Variants in RIMBP2 observed in about 807,000 individuals in gnomAD.
RIMBP2 encodes RIMS-binding protein 2.
A neutral mutation model predicts 118.6 loss-of-function variants in RIMBP2; 48 were observed. The observed-to-expected ratio is 0.40, with a 90% confidence interval of 0.32 to 0.51. RIMBP2 has a LOEUF of 0.51. RIMBP2 is among the 20% of genes least tolerant of loss of function. The pLI is 0.41. For missense variants in RIMBP2, 1,551 were observed against 1,768.3 expected, an observed-to-expected ratio of 0.88 and a Z score of 2.20; for synonymous variants, 762 against 742.9, an observed-to-expected ratio of 1.03 and a Z score of -0.42.
At chr12:130,481,604 G>A (rs558713408) in intron 4 of RIMBP2, among the ~76,000 whole-genome samples, 21 of 152,274 alleles carry the variant, frequency 1.4e-4, no homozygotes, top group African/African-American at 4.3e-4. Context: ...ACAAGAACCC[G>A]GGATCCGGAG....
intron 1 of RIMBP2, among the ~76,000 whole-genome samples, chr12:130,699,567 G>C (rs1229553101): frequency 7.6e-6 from 1 of 131,972 alleles, no homozygotes; most frequent in African/African-American, 2.8e-5. Flanking sequence ...ATCACACACC[G>C]GGGACTGTTG....
rs187956697 is a variant in RIMBP2 at position 130,628,727 on chromosome 12, T to C, written c.-351-271A>G. 8.5e-4 allele frequency among the ~76,000 whole-genome samples: 129 copies of C among 152,314 alleles called. 2 individuals carry two copies. In the Middle Eastern group the frequency reaches 0.024, roughly 28 times the overall value. ...CAACACAGCCATTGACATGAAGCTT[T>C]TGTGACTCCTTGAGTAGACCATCAA... On this transcript the variant is annotated intron_variant, in intron 1 of 22. Transcript: ENST00000690449.
intron 2 of RIMBP2, among the ~76,000 whole-genome samples, chr12:130,538,856 G>T (rs2054306244): frequency 6.6e-6 from 1 of 151,012 alleles, no homozygotes; most frequent in African/African-American, 2.5e-5. Flanking sequence ...GTATTGCCTG[G>T]GGATCGGGTG....
chr12:130,476,620 G>C (rs1388881041), intron 5 of RIMBP2, among the ~76,000 whole-genome samples: 1 of 152,160 alleles, frequency 6.6e-6, no homozygotes, highest in Non-Finnish European at 1.5e-5. Flanking sequence ...CCTAACCCTT[G>C]CACACTCCTG....
chr12:130,543,004 A>G (rs1261390373), intron 2 of RIMBP2, among the ~76,000 whole-genome samples: 1 of 152,160 alleles, frequency 6.6e-6, no homozygotes, highest in Non-Finnish European at 1.5e-5. Context: ...AATTTCTCCA[A>G]ATGAGGCTGA....
At chr12:130,503,268 T>C (rs2049975798) in intron 4 of RIMBP2, among the ~76,000 whole-genome samples, 1 of 151,662 alleles carries the variant, frequency 6.6e-6, no homozygotes, top group Non-Finnish European at 1.5e-5. Context: ...TGGTGGTGTG[T>C]GTCTGTAATC....
At chr12:130,675,247 C>T (rs895956313) in intron 1 of RIMBP2, among the ~76,000 whole-genome samples, 1 of 152,186 alleles carries the variant, frequency 6.6e-6, no homozygotes, top group African/African-American at 2.4e-5. Context: ...CCTTCGGGAA[C>T]GATGGGTGTC....
chr12:130,405,375 A>G (rs967578853), intron 21 of RIMBP2, among the ~76,000 whole-genome samples: 2 of 152,182 alleles, frequency 1.3e-5, no homozygotes, highest in East Asian at 1.9e-4. Flanking sequence ...AGAGAAACCT[A>G]CCGTCCAGGA....
chr12:130,580,434 G>A (rs535464393), intron 2 of RIMBP2, among the ~76,000 whole-genome samples: 1 of 152,188 alleles, frequency 6.6e-6, no homozygotes, highest in Non-Finnish European at 1.5e-5. Flanking sequence ...CGCCACGTAA[G>A]ATGTGTCTTC....
chr12:130,546,286 TGTTA>T (rs2055157190), intron 2 of RIMBP2, among the ~76,000 whole-genome samples: 2 of 151,782 alleles, frequency 1.3e-5, no homozygotes, highest in African/African-American at 4.8e-5. Context: ...TTGTGTTTTT[TGTTA>T]GTTAGTTAAT....
intron 9 of RIMBP2, 50 bp from the exon 10 acceptor site, chr12:130,445,319 C>T (rs745735126): frequency 1.1e-5 from 15 of 1,355,682 alleles, no homozygotes; most frequent in East Asian, 2.3e-5. Flanking sequence ...GGACACAGCC[C>T]GCACCCCTGT....
intron 4 of RIMBP2, among the ~76,000 whole-genome samples, chr12:130,493,153 C>CA (rs1223218330): frequency 2.0e-5 from 3 of 151,060 alleles, no homozygotes; most frequent in Non-Finnish European, 3.0e-5. Flanking sequence ...CAAAACAAAA[C>CA]AAAAAAACAA....
intron 3 of RIMBP2, among the ~76,000 whole-genome samples, chr12:130,515,610 T>G (rs766691825): frequency 2.0e-5 from 3 of 152,232 alleles, no homozygotes; most frequent in Non-Finnish European, 4.4e-5. Flanking sequence ...GTTTATTCAC[T>G]CGTCCATCAG....
intron 2 of RIMBP2, among the ~76,000 whole-genome samples, chr12:130,588,453 C>T (rs2059055719): frequency 6.6e-6 from 1 of 152,186 alleles, no homozygotes; most frequent in African/African-American, 2.4e-5. Context: ...TTAAAATAAA[C>T]ATGAGAAAAG....
At chr12:130,681,810 G>A (rs564064648) in intron 1 of RIMBP2, among the ~76,000 whole-genome samples, 6 of 152,006 alleles carry the variant, frequency 3.9e-5, no homozygotes, top group South Asian at 4.2e-4. Context: ...TTCTCCTGCC[G>A]CAGCCTCCCA....
intron 2 of RIMBP2, among the ~76,000 whole-genome samples, chr12:130,568,081 G>A (rs1406292267): frequency 6.6e-6 from 1 of 152,196 alleles, no homozygotes; most frequent in African/African-American, 2.4e-5. Context: ...AACATCAGGT[G>A]TCCCTCCATT....
chr12:130,501,204 A>C (rs2049739531), intron 4 of RIMBP2, among the ~76,000 whole-genome samples: 1 of 152,084 alleles, frequency 6.6e-6, no homozygotes, highest in Non-Finnish European at 1.5e-5. Context: ...GAGCCTGTGC[A>C]CTTCTCCCCA....
intron 1 of RIMBP2, among the ~76,000 whole-genome samples, chr12:130,665,936 ACATCTGGAACT>A (rs1187944520): frequency 1.2e-4 from 19 of 152,116 alleles, no homozygotes; most frequent in African/African-American, 4.3e-4. Flanking sequence ...AGGGAGTATC[ACATCTGGAACT>A]CACTCTCAAA....
At chr12:130,480,551 T>C (rs2081899164) in intron 4 of RIMBP2, among the ~76,000 whole-genome samples, 1 of 152,226 alleles carries the variant, frequency 6.6e-6, no homozygotes, top group Non-Finnish European at 1.5e-5. Flanking sequence ...TATTTTTTAT[T>C]ATTTTATTAT....
Sources: gnomAD v4.1 joint callset for allele counts (sites outside exome capture counted in the v4.1 genomes callset) on GRCh38, gnomAD v4.1.1 for gene constraint, MANE v1.5 for transcripts, NCBI Gene and HGNC (gene_info 2026-07-23, HGNC 2026-07-21) for gene names.